Variants in ERG observed in about 807,000 individuals in gnomAD.
The protein encoded by ERG is transcriptional regulator ERG.
ERG carries 9 observed loss-of-function variants against 55.3 expected under a neutral mutation model. That is an observed-to-expected ratio of 0.16 (90% confidence interval 0.10 to 0.28). ERG has a LOEUF of 0.28. Among genes scored for constraint, ERG ranks in the 10% least tolerant of loss-of-function variants. ERG has a pLI of 1.00. For missense variants in ERG, 434 were observed against 631.6 expected, an observed-to-expected ratio of 0.69 and a Z score of 3.35; for synonymous variants, 223 against 237.3, an observed-to-expected ratio of 0.94 and a Z score of 0.55.
intron 1 of ERG, among the ~76,000 whole-genome samples, chr21:38,487,521 T>A (rs983825888): frequency 2.0e-5 from 3 of 152,096 alleles, no homozygotes; most frequent in South Asian, 4.1e-4. Context: ...GCCAACAGGG[T>A]CCTATCCCAT....
intron 3 of ERG, 75 bp from the exon 4 acceptor site, chr21:38,403,784 G>T: frequency 7.0e-7 from 1 of 1,420,332 alleles, no homozygotes; most frequent in Non-Finnish European, 9.8e-7. Context: ...CCCCATCCAC[G>T]TGGGATTTCT....
At chr21:38,645,066 G>A (rs1479529710) in intron 1 of ERG, among the ~76,000 whole-genome samples, 1 of 152,150 alleles carries the variant, frequency 6.6e-6, no homozygotes, top group East Asian at 1.9e-4. Context: ...GGCTGATGTG[G>A]GAGGATCATT....
intron 3 of ERG, among the ~76,000 whole-genome samples, chr21:38,419,108 G>A (rs1989423157): frequency 6.6e-6 from 1 of 152,072 alleles, no homozygotes; most frequent in African/African-American, 2.4e-5. Context: ...CAGTGTAAGA[G>A]ACTGCCCTGC....
At chr21:38,603,916 C>T (rs531545699) in intron 1 of ERG, among the ~76,000 whole-genome samples, 1 of 151,650 alleles carries the variant, frequency 6.6e-6, no homozygotes, top group African/African-American at 2.4e-5. Context: ...TTGTTAATGC[C>T]TTCACGTATT....
downstream of ERG, among the ~76,000 whole-genome samples, chr21:38,377,593 C>T (rs1203257509): frequency 2.0e-5 from 3 of 152,226 alleles, no homozygotes; most frequent in Non-Finnish European, 2.9e-5. Flanking sequence ...TTGTTAACAT[C>T]TTGATACATC....
At chr21:38,483,846 G>A (rs746171278) in intron 1 of ERG, among the ~76,000 whole-genome samples, 2 of 152,038 alleles carry the variant, frequency 1.3e-5, no homozygotes, top group Non-Finnish European at 2.9e-5. Context: ...CAGCCTGGGC[G>A]ACAGAGTGAG....
At chr21:38,367,864 A>T in the ERG span, among the ~76,000 whole-genome samples, 1 of 152,150 alleles carries the variant, frequency 6.6e-6, no homozygotes, top group South Asian at 2.1e-4. Context: ...GACATGAAAC[A>T]TCCTCTGCAG....
At chr21:38,620,648 G>A (rs902869900) in intron 1 of ERG, among the ~76,000 whole-genome samples, 1 of 152,176 alleles carries the variant, frequency 6.6e-6, no homozygotes, top group Non-Finnish European at 1.5e-5. Flanking sequence ...TGACATTTGT[G>A]TAGTGGGAAA....
chr21:38,450,108 T>C (rs2058927146), intron 1 of ERG, among the ~76,000 whole-genome samples: 1 of 151,340 alleles, frequency 6.6e-6, no homozygotes, highest in Non-Finnish European at 1.5e-5. Flanking sequence ...AAAAAAATCT[T>C]GGTTCGGGCA....
At chr21:38,495,379 GGA>G (rs2059371230) in intron 1 of ERG, among the ~76,000 whole-genome samples, 1 of 152,210 alleles carries the variant, frequency 6.6e-6, no homozygotes, top group Non-Finnish European at 1.5e-5. Flanking sequence ...GGCAAGTCAT[GGA>G]AATAGCACTA....
chr21:38,612,710 C>CTGGA (rs2060235197), intron 1 of ERG, among the ~76,000 whole-genome samples: 1 of 149,296 alleles, frequency 6.7e-6, no homozygotes, highest in African/African-American at 2.5e-5. Flanking sequence ...GTCACGCAGG[C>CTGGA]TGGAGTGCAG....
At chr21:38,425,882 C>T (rs928858071) in intron 2 of ERG, among the ~76,000 whole-genome samples, 1 of 152,224 alleles carries the variant, frequency 6.6e-6, no homozygotes, top group East Asian at 1.9e-4. Flanking sequence ...GGTCATTCCA[C>T]ACCTGAAAGC....
At chr21:38,400,270 T>A in intron 6 of ERG, 1 of 494,956 alleles carries the variant, frequency 2.0e-6, no homozygotes, top group Non-Finnish European at 3.8e-6. Context: ...GACAGATCCT[T>A]CTGTTAGTTC....
chr21:38,403,413 G>A, intron 4 of ERG, 93 bp downstream of exon 4: 2 of 1,232,082 alleles, frequency 1.6e-6, no homozygotes, highest in African/African-American at 1.5e-5. Context: ...AGGGCAGGAG[G>A]ATGCTGTCGA....
At chr21:38,585,810 A>C (rs1276216662), upstream of ERG, among the ~76,000 whole-genome samples, 1 of 152,010 alleles carries the variant, frequency 6.6e-6, no homozygotes, top group Non-Finnish European at 1.5e-5. Flanking sequence ...CTCCACCTGA[A>C]GTCTTCGAAA....
chr21:38,590,620 T>A (rs73429461), intron 1 of ERG, among the ~76,000 whole-genome samples: 2,570 of 150,296 alleles, frequency 0.017, 79 homozygotes, highest in African/African-American at 0.06. Flanking sequence ...ATGTATTCAT[T>A]CATCTATCCA....
At chr21:38,617,053 G>A (rs1568952332) in intron 1 of ERG, among the ~76,000 whole-genome samples, 1 of 152,186 alleles carries the variant, frequency 6.6e-6, no homozygotes, top group Non-Finnish European at 1.5e-5. Context: ...GACCTAGGGA[G>A]TTACATCATA....
Position 38,578,311 on chromosome 21 carries a change from G to A in ERG, c.-126-2564C>T, listed in dbSNP as rs376148071. On this transcript the variant is annotated intron_variant, in intron 1 of 8. Transcript: ENST00000398897. Reference sequence around the variant, plus strand: ...CACCCTGTAAGTGCTCTAGAGGCACGGAGAAGATAGAGGGTAAATAGCTTG... The same window carrying A: ...CACCCTGTAAGTGCTCTAGAGGCACAGAGAAGATAGAGGGTAAATAGCTTG... 1.7e-4 allele frequency among the ~76,000 whole-genome samples: 26 copies of A among 152,314 alleles called. No individual in the cohort carries two copies. In the East Asian group the frequency reaches 3.9e-3, roughly 23 times the overall value.
chr21:38,433,569 G>A (rs562280824), intron 2 of ERG, among the ~76,000 whole-genome samples: 3 of 152,130 alleles, frequency 2.0e-5, no homozygotes, highest in South Asian at 2.1e-4. Flanking sequence ...TACTTACAGC[G>A]AGGCAATTTC....
Sources: allele counts gnomAD v4.1 joint callset (sites outside exome capture counted in the v4.1 genomes callset), GRCh38; gene constraint gnomAD v4.1.1; transcripts MANE v1.5; gene names NCBI Gene and HGNC (gene_info 2026-07-23, HGNC 2026-07-21).